The following RPAP2 variants were observed in gnomAD, a reference collection of about 807,000 sequenced individuals.
RPAP2 encodes the protein putative RNA polymerase II subunit B1 CTD phosphatase RPAP2.
RPAP2 carries 52 observed loss-of-function variants against 73.1 expected under a neutral mutation model. That is an observed-to-expected ratio of 0.71 (90% CI 0.57 to 0.90). The LOEUF (loss-of-function observed/expected upper bound fraction) is 0.90, where lower values mean the gene tolerates loss of function less well. Among genes scored for constraint, RPAP2 ranks in the 40% least tolerant of loss-of-function variants. RPAP2 has a pLI of 0.00. For missense variants in RPAP2, 598 were observed against 701.8 expected, an observed-to-expected ratio of 0.85 and a Z score of 1.67; for synonymous variants, 225 against 242.1, an observed-to-expected ratio of 0.93 and a Z score of 0.65.
intron 5 of RPAP2, among the ~76,000 whole-genome samples, chr1:92,306,642 G>C (rs1270013753): frequency 6.6e-6 from 1 of 151,900 alleles, no homozygotes; most frequent in Non-Finnish European, 1.5e-5. Context: ...AGAGAAGATA[G>C]AGACCAGCCT....
intron 11 of RPAP2, among the ~76,000 whole-genome samples, chr1:92,354,615 G>T: frequency 6.6e-6 from 1 of 152,096 alleles, no homozygotes; most frequent in East Asian, 1.9e-4. Context: ...AACATTAACA[G>T]GACATAAACC....
Position 92,393,908 on chromosome 1 carries a change from G to A in RPAP2, c.*6897G>A, listed in dbSNP as rs1430359272. 1 of 152,190 alleles carries A rather than the reference G, an allele frequency of 6.6e-6. No individual in the cohort carries two copies. The highest frequency in any genetic ancestry group is 1.5e-5 in the Non-Finnish European group (1 of 68,042). The allele number at this position is 152,190 out of a possible 1,614,324, so 9.4% of individuals were successfully genotyped here. On this transcript the variant is annotated 3_prime_UTR_variant, in exon 13 of 13. Coordinates refer to ENST00000610020, the MANE Select transcript of RPAP2 (RefSeq NM_024813.3). Reference sequence around the variant, plus strand: ...GCAAATTAGTCCGACCATTGTGGAAGTCAGTGTGACGACTCCTCAAGGATC... The same window carrying A: ...GCAAATTAGTCCGACCATTGTGGAAATCAGTGTGACGACTCCTCAAGGATC...
At chr1:92,380,418 C>A (rs1305212955) in intron 11 of RPAP2, among the ~76,000 whole-genome samples, 7 of 152,152 alleles carry the variant, frequency 4.6e-5, no homozygotes, top group Non-Finnish European at 1.0e-4. Context: ...TTTTCGTAAC[C>A]TCCCTTTCCC....
rs779653782 is a variant in RPAP2 at position 92,307,218 on chromosome 1, T to C, written c.430T>C (p.Ser144Pro). ...SFCSNFCYQA[S>P]KFFEAQIPKT... ...TTGCAGCAATTTTTGTTATCAAGCA[T>C]CTAAGTTTTTTGAAGCACAAATTCC... The change falls in exon 6 of 13, where the codon TCT becomes CCT. Residue 144 changes from serine (S) to proline (P), a missense_variant. Physicochemically the swap from Ser to Pro is moderately conservative, Grantham distance 74 (BLOSUM62 -1). Coordinates refer to ENST00000610020, the MANE Select transcript of RPAP2 (RefSeq NM_024813.3). 2 of 1,611,910 alleles carry C rather than the reference T, an allele frequency of 1.2e-6. No homozygotes were observed. The highest frequency in any genetic ancestry group is 1.3e-5 in the African/African-American group (1 of 74,860).
intron 11 of RPAP2, among the ~76,000 whole-genome samples, chr1:92,376,040 A>G (rs1655375298): frequency 6.6e-6 from 1 of 152,020 alleles, no homozygotes; most frequent in African/African-American, 2.4e-5. Context: ...AGGGAAAGAA[A>G]AAACTGCATC....
chr1:92,304,653 CAT>C (rs1651080673), intron 5 of RPAP2, among the ~76,000 whole-genome samples: 1 of 152,154 alleles, frequency 6.6e-6, no homozygotes, highest in Admixed American at 6.5e-5. Flanking sequence ...AGACTAACCA[CAT>C]ATGTAGACAC....
intron 11 of RPAP2, among the ~76,000 whole-genome samples, chr1:92,353,235 A>G (rs970037650): frequency 5.9e-5 from 9 of 152,158 alleles, no homozygotes; most frequent in Non-Finnish European, 1.3e-4. Context: ...GGGTCATATG[A>G]TAACTCTGTT....
rs1047075121 is a variant in RPAP2, at chr1:92,358,618, C to T, written c.1688+12704C>T. Among the ~76,000 whole-genome samples the T allele has an allele frequency of 5.9e-5, 9 of 151,990 alleles. No homozygotes were observed. The South Asian group carries it at 1.7e-3, about 28-fold the overall frequency. ...TTTTTTTCCTTTTGAGACAGGGTCT[C>T]GCTCTGTCACCCAGGCTAAAGTGCA... On this transcript the variant is annotated intron_variant, in intron 11 of 12. Transcript: ENST00000610020.
chr1:92,362,502 T>G (rs554905646), intron 11 of RPAP2, among the ~76,000 whole-genome samples: 4 of 152,316 alleles, frequency 2.6e-5, no homozygotes, highest in Admixed American at 1.3e-4. Flanking sequence ...TGAATGAGTT[T>G]GGGATTTGGC....
At chr1:92,344,900 A>G (rs1653799830) in intron 10 of RPAP2, among the ~76,000 whole-genome samples, 2 of 152,038 alleles carry the variant, frequency 1.3e-5, no homozygotes, top group East Asian at 3.9e-4. Context: ...ATCCTTTACC[A>G]TTTATGTATT....
intron 11 of RPAP2, among the ~76,000 whole-genome samples, chr1:92,348,672 CTT>C (rs1248844299): frequency 6.6e-6 from 1 of 152,120 alleles, no homozygotes; most frequent in African/African-American, 2.4e-5. Context: ...AACTGATAGA[CTT>C]TTTTTATCTC....
At chr1:92,299,310 A>G (rs551446593) in intron 1 of RPAP2, among the ~76,000 whole-genome samples, 164 bp downstream of exon 1, 2 of 152,288 alleles carry the variant, frequency 1.3e-5, no homozygotes, top group East Asian at 3.9e-4. Context: ...ACCTCCTGGG[A>G]AAGATTTCCT....
intron 12 of RPAP2, among the ~76,000 whole-genome samples, chr1:92,384,133 T>A (rs573619228): frequency 1.1e-3 from 170 of 151,512 alleles, no homozygotes; most frequent in African/African-American, 3.8e-3. Context: ...AATTTTTGTA[T>A]TTTTAGTAGA....
chr1:92,305,463 AAG>A (rs2101110193), intron 5 of RPAP2, among the ~76,000 whole-genome samples: 1 of 147,790 alleles, frequency 6.8e-6, no homozygotes, highest in East Asian at 2.0e-4. Context: ...ACAATATGGG[AAG>A]ATATAAACTT....
intron 7 of RPAP2, among the ~76,000 whole-genome samples, chr1:92,322,200 C>T (rs901591577): frequency 4.6e-5 from 7 of 151,186 alleles, no homozygotes; most frequent in African/African-American, 1.7e-4. Flanking sequence ...CCTGCCTTGG[C>T]CTCCCAAGGT....
chr1:92,398,911 A>C lies in RPAP2; in HGVS notation c.*11900A>C, dbSNP rs1656249435. The C allele has an allele frequency of 6.6e-6, 1 of 152,244 alleles. No homozygotes were observed. The highest frequency in any genetic ancestry group is 1.5e-5 in the Non-Finnish European group (1 of 68,050). The allele number at this position is 152,244 out of a possible 1,614,324, so 9.4% of individuals were successfully genotyped here. A position where few individuals can be genotyped will look rare whatever the true frequency, so the allele number is the denominator to read the frequency against. ...GAATTCATGTGTCCTTTTCCAAATT[A>C]AACTAGCAAAATATGAACTTTTGTA... On this transcript the variant is annotated 3_prime_UTR_variant, in exon 13 of 13. Transcript: ENST00000610020.
Position 92,391,350 on chromosome 1 carries a change from A to G in RPAP2, c.*4339A>G, listed in dbSNP as rs1390407977. The G allele has an allele frequency of 1.3e-5, 2 of 152,224 alleles. No individual in the cohort carries two copies. The highest frequency in any genetic ancestry group is 1.3e-4 in the Admixed American group (2 of 15,280). The allele number at this position is 152,224 out of a possible 1,614,324, so 9.4% of individuals were successfully genotyped here. A position where few individuals can be genotyped will look rare whatever the true frequency, so the allele number is the denominator to read the frequency against. ...TGGAACCAACGAGAACAAAGACACA[A>G]TGTACCAGAATCTCTAGGACATGTT... is the stretch of plus-strand genomic sequence containing the variant. On this transcript the variant is annotated 3_prime_UTR_variant, in exon 13 of 13. Transcript: ENST00000610020.
intron 6 of RPAP2, among the ~76,000 whole-genome samples, chr1:92,308,177 G>A (rs1337300189): frequency 2.0e-5 from 3 of 152,140 alleles, no homozygotes; most frequent in Non-Finnish European, 4.4e-5. Flanking sequence ...AACAGCACCT[G>A]TGATGGCAGA....
At chr1:92,341,585 T>C (rs1423232517) in intron 10 of RPAP2, among the ~76,000 whole-genome samples, 1 of 152,226 alleles carries the variant, frequency 6.6e-6, no homozygotes, top group Non-Finnish European at 1.5e-5. Context: ...TTTTGGTGAA[T>C]GTATAAGTGA....
Sources: gnomAD v4.1 joint callset for allele counts (sites outside exome capture counted in the v4.1 genomes callset) on GRCh38, gnomAD v4.1.1 for gene constraint, MANE v1.5 for transcripts, NCBI Gene and HGNC (gene_info 2026-07-23, HGNC 2026-07-21) for gene names.